Variants in SCUBE1 observed in about 807,000 individuals in gnomAD.
SCUBE1 encodes signal peptide, CUB and EGF-like domain-containing protein 1.
Under a neutral mutation model 124.4 loss-of-function variants are expected in SCUBE1, and 59 were observed. That is an observed-to-expected ratio of 0.47 (90% confidence interval 0.38 to 0.59). The LOEUF is 0.59. Among genes scored for constraint, SCUBE1 ranks in the 20% least tolerant of loss-of-function variants. SCUBE1 has a pLI of 0.00. For synonymous variants in SCUBE1, 545 were observed against 550.9 expected (o/e 0.99, Z 0.15); for missense variants, 1,150 against 1,371.2 (o/e 0.84, Z 2.55).
chr22:43,206,770 G>A (rs1921304353), intron 21 of SCUBE1, among the ~76,000 whole-genome samples: 2 of 152,168 alleles, frequency 1.3e-5, no homozygotes, highest in African/African-American at 2.4e-5. Context: ...CAGTTTGGGA[G>A]CGATGCTCCC....
At chr22:43,207,984 C>T in intron 20 of SCUBE1, 88 bp downstream of exon 20, 3 of 1,474,506 alleles carry the variant, frequency 2.0e-6, no homozygotes, top group Non-Finnish European at 2.8e-6. Context: ...TCGCAGCTCC[C>T]TGAGGGCGGG....
rs1401757959 is a variant in SCUBE1, at chr22:43,341,765, A to T, written c.88+1409T>A. ...CAGGGCGACCCAGCCCTCCTAGCAC[A>T]GGCTGCTCCCTTTGACTCTGGTTTG... On this transcript the variant is annotated intron_variant, in intron 1 of 21. Transcript: ENST00000360835. Among the ~76,000 whole-genome samples, 4 of 152,284 alleles carry T rather than the reference A, an allele frequency of 2.6e-5. No homozygotes were observed. In the East Asian group the frequency reaches 5.8e-4, roughly 22 times the overall value.
intron 3 of SCUBE1, among the ~76,000 whole-genome samples, chr22:43,296,676 C>G (rs1224860073): frequency 6.6e-6 from 1 of 152,216 alleles, no homozygotes; most frequent in African/African-American, 2.4e-5. Flanking sequence ...GTGGTTGAGG[C>G]TGGAAGGCAC....
At chr22:43,243,356 C>G (rs755354975) in intron 6 of SCUBE1, among the ~76,000 whole-genome samples, 6 of 152,208 alleles carry the variant, frequency 3.9e-5, no homozygotes, top group Non-Finnish European at 7.3e-5. Context: ...GCAGGGCTGG[C>G]TGGGGCTCGA....
chr22:43,237,974 TG>T (rs2146685291), intron 7 of SCUBE1: 1 of 152,610 alleles, frequency 6.6e-6, no homozygotes, highest in East Asian at 1.9e-4. Context: ...CCTAACACCC[TG>T]CCCCAGGGCC....
intron 5 of SCUBE1, 63 bp downstream of exon 5, chr22:43,262,657 C>G (rs1923913920): frequency 1.3e-6 from 2 of 1,596,076 alleles, no homozygotes; most frequent in Non-Finnish European, 1.7e-6. Context: ...CTGGACAGAC[C>G]CTCCAGAAAG....
At chr22:43,308,524 C>T (rs1218182242) in intron 3 of SCUBE1, among the ~76,000 whole-genome samples, 1 of 152,178 alleles carries the variant, frequency 6.6e-6, no homozygotes, top group Admixed American at 6.5e-5. Flanking sequence ...GACAAATAAA[C>T]AGCAGCAACT....
intron 16 of SCUBE1, 34 bp downstream of exon 16, chr22:43,214,056 C>CCCCCCCCCCCCCCCCCCCTTTT: frequency 2.5e-6 from 1 of 402,800 alleles, no homozygotes; most frequent in South Asian, 2.2e-5. Flanking sequence ...CGCCCACCCC[C>CCCCCCCCCCCCCCCCCCCTTTT]CACCCCCACC....
At chr22:43,315,822 A>C (rs1926327860) in intron 3 of SCUBE1, among the ~76,000 whole-genome samples, 1 of 152,180 alleles carries the variant, frequency 6.6e-6, no homozygotes, top group South Asian at 2.1e-4. Flanking sequence ...TGTGAAAACA[A>C]TGTTGTTGAG....
chr22:43,323,362 A>G (rs574413931), intron 2 of SCUBE1, among the ~76,000 whole-genome samples: 2 of 152,082 alleles, frequency 1.3e-5, no homozygotes, highest in Non-Finnish European at 2.9e-5. Context: ...CTATCCATTC[A>G]AATATCTACT....
rs1921503527 is a variant in SCUBE1 at position 43,210,597 on chromosome 22, T to C, written c.2383+325A>G. 6.6e-6 allele frequency among the ~76,000 whole-genome samples: 1 copy of C among 152,162 alleles called. No homozygotes were observed. Among genetic ancestry groups the C allele is most frequent in the East Asian group, 1.9e-4 (1 of 5,174 alleles). ...TCTCTAGAGGCCCTGTCAGTGCCCC[T>C]GTAGGCTGTCAGCCCCCCCAGCAGA... On this transcript the variant is annotated intron_variant, in intron 18 of 21. Transcript: ENST00000360835. This position sits in a 1 kb window ranked among gnomAD's most constrained non-coding sequence, Gnocchi z 4.5.
intron 15 of SCUBE1, among the ~76,000 whole-genome samples, chr22:43,214,939 G>T (rs1309614041): frequency 1.3e-5 from 2 of 152,178 alleles, no homozygotes; most frequent in African/African-American, 2.4e-5. Context: ...CTGAGGTGTG[G>T]AACGGGAGGC....
chr22:43,208,402 A>T (rs1167866051), intron 19 of SCUBE1, among the ~76,000 whole-genome samples, 178 bp from the exon 20 acceptor site: 2 of 151,558 alleles, frequency 1.3e-5, no homozygotes, highest in Non-Finnish European at 2.9e-5. Flanking sequence ...CCTACCCTCA[A>T]CCCGGGTTCT....
intron 6 of SCUBE1, among the ~76,000 whole-genome samples, chr22:43,257,871 T>C (rs1182786482): frequency 3.9e-5 from 6 of 152,198 alleles, no homozygotes; most frequent in African/African-American, 9.7e-5. Flanking sequence ...CTTAGGTGCA[T>C]ACACCTCCCT....
At chr22:43,319,305 G>A (rs1248946373) in intron 3 of SCUBE1, among the ~76,000 whole-genome samples, 3 of 152,218 alleles carry the variant, frequency 2.0e-5, no homozygotes, top group East Asian at 3.9e-4. Flanking sequence ...GGTGGCTCAC[G>A]CCTGTTATCC....
At chr22:43,220,693 G>C in intron 13 of SCUBE1, 106 bp from the exon 14 acceptor site, 2 of 1,397,878 alleles carry the variant, frequency 1.4e-6, no homozygotes, top group Non-Finnish European at 1.9e-6. Context: ...CCTGGTCCGT[G>C]GTGCAGACGG....
chr22:43,342,504 G>A (rs1331370984), intron 1 of SCUBE1, among the ~76,000 whole-genome samples: 3 of 144,914 alleles, frequency 2.1e-5, no homozygotes, highest in Admixed American at 2.1e-4. Context: ...CCCTCTCACC[G>A]CCCCCCCCAA....
At chr22:43,262,868 G>C in intron 4 of SCUBE1, 23 bp from the exon 5 acceptor site, 1 of 1,601,256 alleles carries the variant, frequency 6.2e-7, no homozygotes, top group Non-Finnish European at 8.6e-7. Context: ...ACAGACAAGA[G>C]ACGGGTTGAA....
intron 3 of SCUBE1, among the ~76,000 whole-genome samples, chr22:43,314,107 C>T (rs1926260519): frequency 6.6e-6 from 1 of 152,188 alleles, no homozygotes. Flanking sequence ...TGCCCAGAGG[C>T]AGCCAAGAAT....
Sources: allele counts gnomAD v4.1 joint callset (sites outside exome capture counted in the v4.1 genomes callset), GRCh38; gene constraint gnomAD v4.1.1; non-coding constraint Gnocchi (gnomAD v3.1); transcripts MANE v1.5; gene names NCBI Gene and HGNC (gene_info 2026-07-23, HGNC 2026-07-21).